PARD3: variants seen among roughly 807,000 people sequenced by gnomAD.
PARD3 encodes the protein par-3 family cell polarity regulator, also known as partitioning defective 3 homolog.
A neutral mutation model predicts 155.4 loss-of-function variants in PARD3; 75 were observed. The observed-to-expected ratio is 0.48, with a 90% CI of 0.40 to 0.58. PARD3 has a LOEUF of 0.58. Among genes scored for constraint, PARD3 ranks in the 20% least tolerant of loss-of-function variants. The pLI is 0.00. For synonymous variants in PARD3, 576 were observed against 610.5 expected (o/e 0.94, Z 0.83); for missense variants, 1,642 against 1,721.7 (o/e 0.95, Z 0.82).
intron 2 of PARD3, among the ~76,000 whole-genome samples, chr10:34,649,654 C>T (rs1429636507): frequency 1.3e-5 from 2 of 152,190 alleles, no homozygotes; most frequent in African/African-American, 4.8e-5. Flanking sequence ...TGAGTGTACA[C>T]CACTGTAAAC....
At chr10:34,563,478 T>C (rs1354700193) in intron 2 of PARD3, among the ~76,000 whole-genome samples, 3 of 151,578 alleles carry the variant, frequency 2.0e-5, no homozygotes, top group Admixed American at 6.6e-5. Context: ...GCGATTCTCC[T>C]GCCTCAGCCT....
chr10:34,372,181 T>C (rs1191578946), intron 12 of PARD3, among the ~76,000 whole-genome samples: 1 of 152,148 alleles, frequency 6.6e-6, no homozygotes, highest in Non-Finnish European at 1.5e-5. Flanking sequence ...CCACTTATAA[T>C]TTAGCATTTC....
intron 5 of PARD3, among the ~76,000 whole-genome samples, chr10:34,421,834 A>G (rs1846217164): frequency 1.3e-5 from 2 of 152,216 alleles, no homozygotes; most frequent in African/African-American, 4.8e-5. Flanking sequence ...TAGTGCTATT[A>G]AAAATGAGTA....
At chr10:34,161,112 G>T (rs983838236) in intron 22 of PARD3, among the ~76,000 whole-genome samples, 2 of 152,008 alleles carry the variant, frequency 1.3e-5, no homozygotes, top group African/African-American at 4.8e-5. Context: ...AGACATGGTG[G>T]TGCACACCTG....
At chr10:34,421,092 A>T (rs1846145026) in intron 5 of PARD3, among the ~76,000 whole-genome samples, 1 of 152,162 alleles carries the variant, frequency 6.6e-6, no homozygotes, top group Non-Finnish European at 1.5e-5. Flanking sequence ...GAACTGCTTG[A>T]GCCTGGGTGG....
intron 2 of PARD3, among the ~76,000 whole-genome samples, chr10:34,687,312 CT>C (rs2093968239): frequency 6.6e-6 from 1 of 151,950 alleles, no homozygotes; most frequent in Non-Finnish European, 1.5e-5. Context: ...AAATGTGCCC[CT>C]GTTAGCTTTT....
chr10:34,361,019 C>G (rs567446146), intron 12 of PARD3, among the ~76,000 whole-genome samples: 1 of 152,290 alleles, frequency 6.6e-6, no homozygotes, highest in Non-Finnish European at 1.5e-5. Context: ...GAAATGAAAG[C>G]TTAATGTAGA....
intron 16 of PARD3, among the ~76,000 whole-genome samples, chr10:34,339,128 TA>T (rs1284664619): frequency 6.6e-6 from 1 of 152,242 alleles, no homozygotes; most frequent in South Asian, 2.1e-4. Context: ...CAGCAAACTC[TA>T]AATAATATAT....
chr10:34,794,283 C>T (rs1215195287), intron 1 of PARD3, among the ~76,000 whole-genome samples: 1 of 152,224 alleles, frequency 6.6e-6, no homozygotes, highest in African/African-American at 2.4e-5. Flanking sequence ...TTTTAATCTA[C>T]TACAGACATC....
chr10:34,503,025 C>G (rs1199108833), intron 3 of PARD3, among the ~76,000 whole-genome samples: 1 of 151,956 alleles, frequency 6.6e-6, no homozygotes, highest in Non-Finnish European at 1.5e-5. Flanking sequence ...TTGTTTCTGC[C>G]TCCCATTCCC....
At position 34,441,669 on chromosome 10, in the gene PARD3, G is replaced by A. The variant is rs535056106; in HGVS notation, c.714+8648C>T. 1.4e-4 allele frequency among the ~76,000 whole-genome samples: 21 copies of A among 152,238 alleles called. No homozygotes were observed. In the South Asian group the frequency reaches 2.3e-3, roughly 17 times the overall value. On this transcript the variant is annotated intron_variant, in intron 5 of 24. Transcript: ENST00000374788. ...AACGTCCACCAGAGCCCCACACTCC[G>A]GTCCTGTGCTTCCACTGTGGTTTCT... is the stretch of plus-strand genomic sequence containing the variant.
intron 1 of PARD3, among the ~76,000 whole-genome samples, chr10:34,723,898 G>A (rs538191602): frequency 7.2e-4 from 110 of 152,258 alleles, no homozygotes; most frequent in Non-Finnish European, 1.3e-3. Context: ...CCGCAGGCTG[G>A]GAGCTGGGCT....
intron 3 of PARD3, among the ~76,000 whole-genome samples, chr10:34,477,099 G>A (rs947254387): frequency 6.6e-6 from 1 of 152,170 alleles, no homozygotes; most frequent in Admixed American, 6.5e-5. Context: ...ACGTTTCTGG[G>A]GCCCATGGCC....
At chr10:34,676,964 A>G (rs1360470890) in intron 2 of PARD3, among the ~76,000 whole-genome samples, 1 of 152,222 alleles carries the variant, frequency 6.6e-6, no homozygotes, top group East Asian at 1.9e-4. Flanking sequence ...AATGTCTTAA[A>G]AACAGGTTTT....
At chr10:34,454,704 C>T (rs1462595335) in intron 4 of PARD3, among the ~76,000 whole-genome samples, 1 of 152,134 alleles carries the variant, frequency 6.6e-6, no homozygotes, top group Non-Finnish European at 1.5e-5. Flanking sequence ...AATAGCTGCT[C>T]AGCTTTGTGC....
At chr10:34,407,206 G>A (rs1055202711) in intron 5 of PARD3, among the ~76,000 whole-genome samples, 2 of 152,174 alleles carry the variant, frequency 1.3e-5, no homozygotes, top group African/African-American at 2.4e-5. Context: ...GCCTGCCAAG[G>A]GGGTGGAGGG....
At chr10:34,736,934 C>A (rs2094926656) in intron 1 of PARD3, among the ~76,000 whole-genome samples, 1 of 152,172 alleles carries the variant, frequency 6.6e-6, no homozygotes, top group Non-Finnish European at 1.5e-5. Flanking sequence ...ACCTCTGCCT[C>A]CCAAAGTGCT....
chr10:34,575,413 C>T (rs947960010), intron 2 of PARD3, among the ~76,000 whole-genome samples: 2 of 152,138 alleles, frequency 1.3e-5, no homozygotes, highest in Admixed American at 1.3e-4. Flanking sequence ...ATCTATTTTC[C>T]TCAAATTGGA....
At chr10:34,444,857 T>C (rs747978332) in intron 5 of PARD3, among the ~76,000 whole-genome samples, 6 of 152,220 alleles carry the variant, frequency 3.9e-5, no homozygotes, top group Non-Finnish European at 8.8e-5. Flanking sequence ...CTTCTGCTTA[T>C]TCCCACTGGA....
Sources: allele counts gnomAD v4.1 joint callset (sites outside exome capture counted in the v4.1 genomes callset), GRCh38; gene constraint gnomAD v4.1.1; transcripts MANE v1.5; gene names NCBI Gene and HGNC (gene_info 2026-07-23, HGNC 2026-07-21).